The following ATP13A3 variants were observed in gnomAD, a reference collection of about 807,000 sequenced individuals.
ATP13A3 encodes ATPase 13A3.
Under a neutral mutation model 158.1 loss-of-function variants are expected in ATP13A3, and 59 were observed. That is an observed-to-expected ratio of 0.37 (90% confidence interval 0.30 to 0.46). The LOEUF (loss-of-function observed/expected upper bound fraction) is 0.46, where lower values mean the gene tolerates loss of function less well. Ranked by LOEUF, ATP13A3 falls within the 20% of genes least tolerant of loss-of-function variation. The pLI is 1.00. For synonymous variants in ATP13A3, 491 were observed against 504.3 expected, an observed-to-expected ratio of 0.97 and a Z score of 0.35; for missense variants, 1,166 against 1,525.2, an observed-to-expected ratio of 0.76 and a Z score of 3.92.
chr3:194,436,691 T>A (rs530230552), intron 20 of ATP13A3, among the ~76,000 whole-genome samples: 66 of 152,224 alleles, frequency 4.3e-4, no homozygotes, highest in Admixed American at 3.4e-3. Flanking sequence ...CTACTAAAAA[T>A]ATAAAAATTA....
intron 33 of ATP13A3, among the ~76,000 whole-genome samples, chr3:194,411,645 T>C (rs1259031920): frequency 4.6e-5 from 7 of 152,038 alleles, no homozygotes; most frequent in Non-Finnish European, 1.0e-4. Flanking sequence ...ACGGTTTGTA[T>C]GAAAAAAGGA....
chr3:194,460,913 T>G, intron 3 of ATP13A3, 82 bp from the exon 4 acceptor site: 1 of 1,392,026 alleles, frequency 7.2e-7, no homozygotes, highest in South Asian at 1.4e-5. Flanking sequence ...AGTTCTTTGT[T>G]TTCCAGATAG....
At chr3:194,475,925 AG>A (rs886902638) in intron 2 of ATP13A3, among the ~76,000 whole-genome samples, 2 of 152,224 alleles carry the variant, frequency 1.3e-5, no homozygotes, top group Non-Finnish European at 2.9e-5. Flanking sequence ...CATTTTCACC[AG>A]AAAGTCAAGC....
In ATP13A3 at chr3:194,413,819, C is replaced by T; in HGVS notation, c.3423G>A (p.Gln1141=). Residue 1141 remains glutamine (Q), a synonymous_variant, in exon 32 of 34, where the codon CAG becomes CAA. Transcript: ENST00000645319. The stretch of plus-strand genomic sequence containing the variant: ...CAATGATGAGCATAGTTACACGCCA[C>T]TGATATGGTACACACACTATCTGTA... ...QVLQIVCVPY[Q]WRVTMLIIVL... 2 of 1,613,918 alleles carry T rather than the reference C, an allele frequency of 1.2e-6. No homozygotes were observed. Among genetic ancestry groups the T allele is most frequent in the Non-Finnish European group, 8.5e-7 (1 of 1,179,828 alleles).
chr3:194,491,306 G>T (rs908421305), upstream of ATP13A3, among the ~76,000 whole-genome samples: 3 of 151,838 alleles, frequency 2.0e-5, no homozygotes, highest in Admixed American at 6.6e-5. Flanking sequence ...CTCTCTCCTG[G>T]GCCTCCTGAC....
At chr3:194,472,484 G>C (rs937845203) in intron 2 of ATP13A3, among the ~76,000 whole-genome samples, 2 of 152,096 alleles carry the variant, frequency 1.3e-5, no homozygotes, top group African/African-American at 4.8e-5. Context: ...TCACCACTAG[G>C]GGATGTTCCA....
chr3:194,407,684 C>T (rs1295651079), intron 33 of ATP13A3, among the ~76,000 whole-genome samples: 3 of 152,090 alleles, frequency 2.0e-5, no homozygotes, highest in Non-Finnish European at 2.9e-5. Context: ...AAGTAAGCTA[C>T]GTGGCATTCT....
intron 33 of ATP13A3, among the ~76,000 whole-genome samples, 158 bp downstream of exon 33, chr3:194,412,041 G>T (rs1174546391): frequency 2.0e-5 from 3 of 152,112 alleles, no homozygotes; most frequent in Admixed American, 2.0e-4. Flanking sequence ...GAAATGAAAT[G>T]CCAAGCACAG....
chr3:194,430,109 T>C lies in ATP13A3; in HGVS notation c.2740A>G (p.Lys914Glu). 1.2e-6 allele frequency: 2 copies of C among 1,614,106 alleles called. No individual in the cohort carries two copies. The highest frequency in any genetic ancestry group is 1.7e-6 in the Non-Finnish European group (2 of 1,180,012). ...GGCACACAGGAAATACTAGGAGTCT[T>C]AGAGGTAAAGGGAGATGCCACTGAA... ...EASVASPFTS[K>E]TPSISCVPNL... The change falls in exon 26 of 34, where the codon AAG (lysine) becomes GAG (glutamate). Residue 914 changes from lysine (K) to glutamate (E), a missense_variant. Lys to Glu is a moderately conservative substitution (Grantham distance 56). Coordinates refer to ENST00000645319, the MANE Select transcript of ATP13A3 (RefSeq NM_001367549.1).
chr3:194,444,913 CA>C, intron 14 of ATP13A3, 127 bp from the exon 15 acceptor site: 7 of 653,230 alleles, frequency 1.1e-5, no homozygotes, highest in Middle Eastern at 3.7e-4. Flanking sequence ...TGGAGTTCTA[CA>C]GAGTTAAAAA....
chr3:194,411,388 G>A (rs1421014969), intron 33 of ATP13A3, among the ~76,000 whole-genome samples: 1 of 152,162 alleles, frequency 6.6e-6, no homozygotes, highest in Non-Finnish European at 1.5e-5. Context: ...AATGGGTAAG[G>A]CAATGAAGGG....
chr3:194,492,886 T>C (rs770553041), intron 2 of ATP13A3, among the ~76,000 whole-genome samples: 5 of 152,206 alleles, frequency 3.3e-5, no homozygotes, highest in Admixed American at 6.5e-5. Flanking sequence ...ATGACACTTA[T>C]GTAAGATTGA....
chr3:194,418,468 A>G, intron 31 of ATP13A3, among the ~76,000 whole-genome samples: 1 of 152,162 alleles, frequency 6.6e-6, no homozygotes, highest in Non-Finnish European at 1.5e-5. Flanking sequence ...ACAACATCCT[A>G]AAAATTTTTA....
intron 28 of ATP13A3, among the ~76,000 whole-genome samples, chr3:194,428,049 C>T (rs2108802862): frequency 6.6e-6 from 1 of 151,908 alleles, no homozygotes; most frequent in East Asian, 1.9e-4. Flanking sequence ...GGTGAAACCC[C>T]GATTCTACTA....
At chr3:194,420,171 G>T in intron 30 of ATP13A3, 1 of 354,978 alleles carries the variant, frequency 2.8e-6, no homozygotes, top group Non-Finnish European at 4.7e-6. Context: ...TACACAACGT[G>T]ATGTTATGTT....
chr3:194,462,483 C>T lies in ATP13A3; in HGVS notation c.-46-247G>A, dbSNP rs560841648. ...GGAGCACAAACCCTACTGTGAACTGCGCGTGCAAGGGATCTAGGGTGCGTG... is the reference window on the plus strand; with the variant it reads ...GGAGCACAAACCCTACTGTGAACTGTGCGTGCAAGGGATCTAGGGTGCGTG... On this transcript the variant is annotated intron_variant, in intron 2 of 33. Coordinates refer to ENST00000645319, the MANE Select transcript of ATP13A3 (RefSeq NM_001367549.1). 9.9e-5 allele frequency among the ~76,000 whole-genome samples: 15 copies of T among 152,218 alleles called. No individual in the cohort carries two copies. In the South Asian group the frequency reaches 1.9e-3, roughly 19 times the overall value.
chr3:194,483,426 C>CAAAAAAAAAAAAAAAAAA (rs1228588078), intron 2 of ATP13A3, among the ~76,000 whole-genome samples: 5 of 120,388 alleles, frequency 4.2e-5, no homozygotes, highest in African/African-American at 1.6e-4. Flanking sequence ...CCCACCTCTA[C>CAAAAAAAAAAAAAAAAAA]AAAAAAAAAA....
chr3:194,438,963 C>A lies in ATP13A3; in HGVS notation c.1720G>T (p.Glu574Ter). Residue 574 changes from glutamate (E) to a stop codon, truncating the protein, a stop_gained, in exon 17 of 34, where the codon GAA becomes TAA. Coordinates refer to ENST00000645319, the MANE Select transcript of ATP13A3 (RefSeq NM_001367549.1). LOFTEE classifies it high-confidence loss of function. ...MFEAIGWILE[E>*]ATEEETALHN... The stretch of plus-strand genomic sequence containing the variant: ...AGTGCTGTTTCTTCTTCAGTTGCTT[C>A]TTCCAGAATCTGGAAAAAAAAAAGA... 6.4e-7 allele frequency: 1 copy of A among 1,569,644 alleles called. No homozygotes were observed. Among genetic ancestry groups the A allele is most frequent in the Non-Finnish European group, 8.6e-7 (1 of 1,157,366 alleles).
At chr3:194,459,244 T>C (rs757578987) in intron 6 of ATP13A3, 26 of 485,094 alleles carry the variant, frequency 5.4e-5, no homozygotes, top group Non-Finnish European at 8.6e-5. Context: ...GGCATCATAC[T>C]GACTCTAAGT....
Sources: allele counts gnomAD v4.1 joint callset (sites outside exome capture counted in the v4.1 genomes callset), GRCh38; gene constraint gnomAD v4.1.1; transcripts MANE v1.5; gene names NCBI Gene and HGNC (gene_info 2026-07-23, HGNC 2026-07-21).